Variants in UCKL1 observed in about 807,000 individuals in gnomAD.
The protein encoded by UCKL1 is uridine-cytidine kinase-like 1.
UCKL1 carries 65 observed loss-of-function variants against 59.2 expected under a neutral mutation model. That is an observed-to-expected ratio of 1.10 (90% CI 0.90 to 1.35). The LOEUF (loss-of-function observed/expected upper bound fraction) is 1.35, where lower values mean the gene tolerates loss of function less well. UCKL1 is among the 40% of genes most tolerant of loss of function. The pLI is 0.00. For synonymous variants in UCKL1, 410 were observed against 323.1 expected (o/e 1.27, Z -2.88); for missense variants, 703 against 784.3 (o/e 0.90, Z 1.24).
rs745710464 is a variant in UCKL1, at chr20:63,944,561, G to C, written c.828C>G (p.Asp276Glu). The C allele has an allele frequency of 6.2e-7, 1 of 1,611,450 alleles. No individual in the cohort carries two copies. Among genetic ancestry groups the C allele is most frequent in the Admixed American group, 1.7e-5 (1 of 59,766 alleles). Residue 276 changes from aspartate to glutamate, a missense_variant, in exon 6 of 15, where the codon GAC becomes GAG. Around this residue, in one of 4 missense-constraint regions of UCKL1, gnomAD observed 156 missense variants for 185.6 expected, o/e 0.84. Coordinates refer to ENST00000354216, the MANE Select transcript of UCKL1 (RefSeq NM_017859.4). The part of the protein sequence containing the change: ...QYIQPTMRLA[D>E]IVVPRGSGNT... ...CAGGCTCACCTCTGGGGACCACGAT[G>C]TCTGCCAGGCGCATGGTGGGCTGGA... is the stretch of plus-strand genomic sequence containing the variant.
chr20:63,945,214 C>G (rs965051247), intron 5 of UCKL1, among the ~76,000 whole-genome samples: 2 of 152,118 alleles, frequency 1.3e-5, no homozygotes, highest in Non-Finnish European at 2.9e-5. Flanking sequence ...TGCTATGTGC[C>G]GGATGATGGA....
At chr20:63,943,206 G>A (rs1291459801) in intron 8 of UCKL1, among the ~76,000 whole-genome samples, 1 of 152,234 alleles carries the variant, frequency 6.6e-6, no homozygotes, top group African/African-American at 2.4e-5. Context: ...GTGGGTGGGA[G>A]GACAGGCGCG....
At chr20:63,943,550 T>A (rs1212380375) in intron 8 of UCKL1, 103 bp downstream of exon 8, 3 of 1,560,470 alleles carry the variant, frequency 1.9e-6, no homozygotes, top group African/African-American at 2.7e-5. Flanking sequence ...CTTCTGTGAC[T>A]GGGGAAGAGC....
In UCKL1 at chr20:63,956,256, C is replaced by T. The variant is rs2058657208; in HGVS notation, c.113+4G>A. ...AGTGGAGTGGAGGCGAGGCCCACGC[C>T]TACCGGTCCTCGCACGCGGTCTCGC... On this transcript the variant is annotated splice_donor_region_variant and intron_variant, in intron 1 of 14. Transcript: ENST00000354216. The T allele has an allele frequency of 6.5e-7, 1 of 1,532,470 alleles. No individual in the cohort carries two copies. Among genetic ancestry groups the T allele is most frequent in the South Asian group, 1.2e-5 (1 of 81,944 alleles). 94.9% of individuals were successfully genotyped at this position (1,532,470 alleles called of 1,614,324 possible).
intron 5 of UCKL1, among the ~76,000 whole-genome samples, 192 bp downstream of exon 5, chr20:63,945,459 C>T (rs371926024): frequency 1.8e-3 from 267 of 152,356 alleles, no homozygotes; most frequent in African/African-American, 5.3e-3. Flanking sequence ...CAGGCAGCCA[C>T]GCTCTGCCTT....
chr20:63,949,792 G>T (rs192052514), intron 1 of UCKL1, among the ~76,000 whole-genome samples: 1 of 152,244 alleles, frequency 6.6e-6, no homozygotes, highest in Non-Finnish European at 1.5e-5. Flanking sequence ...GCTCCCCAGC[G>T]AAGCTCCCAG....
At chr20:63,954,560 C>G (rs1569164438) in intron 1 of UCKL1, 1 of 152,414 alleles carries the variant, frequency 6.6e-6, no homozygotes, top group Non-Finnish European at 1.5e-5. Flanking sequence ...GGGGCAGACG[C>G]AGGAACGTTG....
chr20:63,949,202 G>A (rs528736950), intron 1 of UCKL1, among the ~76,000 whole-genome samples: 2 of 152,290 alleles, frequency 1.3e-5, no homozygotes, highest in African/African-American at 4.8e-5. Flanking sequence ...CCTCGGCTCC[G>A]GAGATCGTTC....
rs2053908140 is a variant in UCKL1, at chr20:63,939,979, A to G, written c.1644T>C (p.Gly548=). ...GSDEEEVAYT[G] The stretch of plus-strand genomic sequence containing the variant: ...GACGGGATGGCTCACTGGGCAGCTA[A>G]CCCGTGTAGGCCACTTCCTCCTCGT... The change falls in exon 15 of 15, where the codon GGT becomes GGC. Residue 548 remains glycine (G), a synonymous_variant. Coordinates refer to ENST00000354216, the MANE Select transcript of UCKL1 (RefSeq NM_017859.4). 1 of 1,605,146 alleles carries G rather than the reference A, an allele frequency of 6.2e-7. No homozygotes were observed. Among genetic ancestry groups the G allele is most frequent in the South Asian group, 1.1e-5 (1 of 90,926 alleles).
At chr20:63,949,306 C>A (rs954536987) in intron 1 of UCKL1, among the ~76,000 whole-genome samples, 1 of 152,182 alleles carries the variant, frequency 6.6e-6, no homozygotes, top group African/African-American at 2.4e-5. Flanking sequence ...GGGGACAGCA[C>A]CACTGCACGG....
At chr20:63,943,609 G>A (rs577519745) in intron 8 of UCKL1, 44 bp downstream of exon 8, 1 of 1,612,326 alleles carries the variant, frequency 6.2e-7, no homozygotes, top group East Asian at 2.2e-5. Flanking sequence ...CCTTGGAGGT[G>A]TTGGAAGTGC....
At chr20:63,950,711 A>AGCAC (rs1207153395) in intron 1 of UCKL1, 1 of 1,466,316 alleles carries the variant, frequency 6.8e-7, no homozygotes, top group African/African-American at 1.4e-5. Context: ...CCAGGACCAC[A>AGCAC]GCACAAGTGG....
In UCKL1 at chr20:63,941,208, C is replaced by T; in HGVS notation, c.924G>A (p.Arg308=). The stretch of plus-strand genomic sequence containing the variant: ...ACTGGTGTGCCGAGGCCAGCGCAGC[C>T]CTGGGGACAAACCGATGGGGAACAC... ...SQLEERELSV[R]AALASAHQCH... is the part of the protein sequence containing the mutation. Residue 308 remains arginine (R), a splice_region_variant and synonymous_variant, in exon 9 of 15, where the codon AGG becomes AGA. Transcript: ENST00000354216. The T allele has an allele frequency of 1.3e-6, 2 of 1,523,394 alleles. No homozygotes were observed. Among genetic ancestry groups the T allele is most frequent in the African/African-American group, 1.4e-5 (1 of 72,684 alleles). The allele number at this position is 1,523,394 out of a possible 1,614,324, so 94.4% of individuals were successfully genotyped here. A position where few individuals can be genotyped will look rare whatever the true frequency, so the allele number is the denominator to read the frequency against.
chr20:63,941,315 C>T lies in UCKL1; in HGVS notation c.924-107G>A, dbSNP rs943520562. On this transcript the variant is annotated intron_variant, in intron 8 of 14. Transcript: ENST00000354216. ...CTGTGAGGGGAACACACGGGCCAGG[C>T]ACAGCACGAGGTGCAGAGCGGGCCT... 6.9e-6 allele frequency: 10 copies of T among 1,444,734 alleles called. No individual in the cohort carries two copies. In the African/African-American group the frequency reaches 1.1e-4, roughly 17 times the overall value. The allele number at this position is 1,444,734 out of a possible 1,614,324, so 89.5% of individuals were successfully genotyped here.
At chr20:63,952,370 A>C (rs1185067506) in intron 1 of UCKL1, among the ~76,000 whole-genome samples, 16 of 152,264 alleles carry the variant, frequency 1.1e-4, no homozygotes. Context: ...CAGGCGAGGG[A>C]CGGAGGAGCC....
chr20:63,942,386 G>A (rs997181828), intron 8 of UCKL1: 179 of 1,177,036 alleles, frequency 1.5e-4, no homozygotes, highest in Non-Finnish European at 1.9e-4. Flanking sequence ...GGCAGGAGCA[G>A]GAAAGAGGGC....
At position 63,945,829 on chromosome 20, in the gene UCKL1, G is replaced by A. The variant is rs1037636242; in HGVS notation, c.558C>T (p.Thr186=). Residue 186 remains threonine (T), a synonymous_variant, in exon 4 of 15, where the codon ACC becomes ACT. Coordinates refer to ENST00000354216, the MANE Select transcript of UCKL1 (RefSeq NM_017859.4). ...CCCAGTCCTTCTTCCGGCTGTGCGT[G>A]GTGAAGTCATAAATGGGCACCTTGA... ...KSVKVPIYDF[T]THSRKKDWKT... The A allele has an allele frequency of 5.6e-6, 9 of 1,613,608 alleles. No homozygotes were observed. The East Asian group carries it at 1.6e-4, about 28-fold the overall frequency.
At position 63,939,914 on chromosome 20, in the gene UCKL1, TCAG is replaced by T; in HGVS notation, c.*59_*61del. 4 of 1,336,488 alleles carry T rather than the reference TCAG, an allele frequency of 3.0e-6. No homozygotes were observed. Among genetic ancestry groups the T allele is most frequent in the Non-Finnish European group, 4.2e-6 (4 of 943,880 alleles). 82.8% of individuals were successfully genotyped at this position (1,336,488 alleles called of 1,614,324 possible). Reference sequence around the variant, plus strand: ...ATTTTAAAAATTAACATCTTTGTATTCAGCAGTCCTGGGTCAGGAGGCAGGAGG... The same window carrying T: ...ATTTTAAAAATTAACATCTTTGTATTCAGTCCTGGGTCAGGAGGCAGGAGG... On this transcript the variant is annotated 3_prime_UTR_variant, in exon 15 of 15. Coordinates refer to ENST00000354216, the MANE Select transcript of UCKL1 (RefSeq NM_017859.4).
At chr20:63,945,530 G>T in intron 5 of UCKL1, 121 bp downstream of exon 5, 1 of 996,596 alleles carries the variant, frequency 1.0e-6, no homozygotes, top group Non-Finnish European at 1.5e-6. Flanking sequence ...GGTAGGGAGT[G>T]GCTGGCCTAG....
Sources: allele counts gnomAD v4.1 joint callset (sites outside exome capture counted in the v4.1 genomes callset), GRCh38; gene constraint gnomAD v4.1.1; regional missense constraint gnomAD v4.1.1; transcripts MANE v1.5; gene names NCBI Gene and HGNC (gene_info 2026-07-23, HGNC 2026-07-21).